Variants in FNDC3B observed in about 807,000 individuals in gnomAD.
The protein encoded by FNDC3B is fibronectin type III domain-containing protein 3B.
FNDC3B carries 12 observed loss-of-function variants against 151.5 expected under a neutral mutation model. The ratio of observed to expected loss-of-function variants is 0.08; its 90% confidence interval spans 0.05 to 0.13. The LOEUF is 0.13. Among genes scored for constraint, FNDC3B ranks in the 10% least tolerant of loss-of-function variants. FNDC3B has a pLI of 1.00. For synonymous variants in FNDC3B, 528 were observed against 549.0 expected (o/e 0.96, Z 0.54); for missense variants, 1,214 against 1,505.3 (o/e 0.81, Z 3.20).
At chr3:172,254,129 A>C (rs1223903412) in intron 6 of FNDC3B, among the ~76,000 whole-genome samples, 1 of 152,242 alleles carries the variant, frequency 6.6e-6, no homozygotes, top group Non-Finnish European at 1.5e-5. Context: ...TCTTTAAAAA[A>C]AGACTAAGTT....
chr3:172,371,244 TATA>T (rs1734865908), intron 23 of FNDC3B, among the ~76,000 whole-genome samples: 1 of 152,166 alleles, frequency 6.6e-6, no homozygotes, highest in Non-Finnish European at 1.5e-5. Context: ...TGATACCTAA[TATA>T]ATGCCATTGC....
At chr3:172,371,494 A>C (rs9828546) in intron 23 of FNDC3B, among the ~76,000 whole-genome samples, 17,892 of 152,190 alleles carry the variant, frequency 0.12, 1,283 homozygotes, top group African/African-American at 0.21. Flanking sequence ...GTCTTGTTTC[A>C]AGAAGATATT....
chr3:172,097,722 G>A (rs575644740), intron 1 of FNDC3B, among the ~76,000 whole-genome samples: 49 of 152,218 alleles, frequency 3.2e-4, no homozygotes, highest in African/African-American at 1.2e-3. Flanking sequence ...ATTGCACTAA[G>A]CATTCTATTG....
intron 22 of FNDC3B, among the ~76,000 whole-genome samples, chr3:172,355,453 C>G (rs903148485): frequency 2.0e-5 from 3 of 152,148 alleles, no homozygotes; most frequent in African/African-American, 7.2e-5. Flanking sequence ...TTAGCATCAC[C>G]TGGGAACTCG....
At chr3:172,191,624 A>G (rs9856000) in intron 3 of FNDC3B, among the ~76,000 whole-genome samples, 9,374 of 152,060 alleles carry the variant, frequency 0.062, 978 homozygotes, top group African/African-American at 0.21. Context: ...AGCCTCCTGA[A>G]TAGCTGGGAC....
In FNDC3B at chr3:172,208,784, G is replaced by A. The variant is rs1158190969; in HGVS notation, c.188-18087G>A. Among the ~76,000 whole-genome samples the A allele has an allele frequency of 5.3e-5, 8 of 152,212 alleles. No homozygotes were observed. The East Asian group carries it at 5.8e-4, about 11-fold the overall frequency. On this transcript the variant is annotated intron_variant, in intron 3 of 25. Transcript: ENST00000415807. ...CCCCTGCCAAGGGTGCGCCAGTCAC[G>A]GAGCGGCGAGGGGTGTCTAAATGAT...
intron 1 of FNDC3B, among the ~76,000 whole-genome samples, chr3:172,087,905 T>G (rs1298698870): frequency 6.6e-6 from 1 of 152,162 alleles, no homozygotes; most frequent in African/African-American, 2.4e-5. Flanking sequence ...CTCTAAATAG[T>G]TAGAAATATG....
intron 22 of FNDC3B, 92 bp downstream of exon 22, chr3:172,353,175 C>A: frequency 1.6e-6 from 2 of 1,231,310 alleles, no homozygotes; most frequent in African/African-American, 1.5e-5. Flanking sequence ...TGGATGTCAT[C>A]TCCCAGCTGT....
chr3:172,172,594 C>G (rs4386530), intron 3 of FNDC3B, among the ~76,000 whole-genome samples: 18,915 of 152,190 alleles, frequency 0.12, 1,469 homozygotes, highest in Admixed American at 0.2. Flanking sequence ...AGATATCTTT[C>G]TATGGGAATC....
intron 1 of FNDC3B, among the ~76,000 whole-genome samples, chr3:172,065,061 C>T (rs934183427): frequency 1.4e-4 from 21 of 152,156 alleles, no homozygotes; most frequent in East Asian, 5.8e-4. Context: ...AGGCCTGGTG[C>T]GGTGGCTCAC....
At chr3:172,105,605 T>TA (rs1660453780) in intron 1 of FNDC3B, among the ~76,000 whole-genome samples, 2 of 148,176 alleles carry the variant, frequency 1.3e-5, no homozygotes, top group African/African-American at 5.1e-5. Context: ...CTTCCCCCAT[T>TA]ATTATTGTTT....
chr3:172,177,503 T>A (rs1723657607), intron 3 of FNDC3B, among the ~76,000 whole-genome samples: 1 of 152,148 alleles, frequency 6.6e-6, no homozygotes, highest in African/African-American at 2.4e-5. Flanking sequence ...TTCTCAAACA[T>A]CTGTCTTGGA....
At chr3:172,193,014 T>C (rs1485765489) in intron 3 of FNDC3B, among the ~76,000 whole-genome samples, 1 of 152,080 alleles carries the variant, frequency 6.6e-6, no homozygotes, top group African/African-American at 2.4e-5. Context: ...AATGTCTGCT[T>C]GTGATTGTTT....
At chr3:172,080,072 T>C (rs1344279649) in intron 1 of FNDC3B, among the ~76,000 whole-genome samples, 5 of 152,142 alleles carry the variant, frequency 3.3e-5, no homozygotes, top group Admixed American at 6.6e-5. Context: ...TTCTTAGACC[T>C]AGTTGCTAAT....
intron 21 of FNDC3B, among the ~76,000 whole-genome samples, chr3:172,348,449 T>C (rs1407834400): frequency 6.6e-6 from 1 of 152,222 alleles, no homozygotes; most frequent in Non-Finnish European, 1.5e-5. Flanking sequence ...CTTTTGACAA[T>C]GAGTCAGTGT....
At chr3:172,057,954 G>A (rs1243879798) in intron 1 of FNDC3B, among the ~76,000 whole-genome samples, 2 of 151,408 alleles carry the variant, frequency 1.3e-5, no homozygotes, top group Non-Finnish European at 2.9e-5. Context: ...TTGATTCTTG[G>A]GCTGGAAGGA....
chr3:172,237,901 G>A (rs538298254), intron 4 of FNDC3B, among the ~76,000 whole-genome samples: 24 of 152,080 alleles, frequency 1.6e-4, no homozygotes, highest in African/African-American at 5.8e-4. Flanking sequence ...TTATTTAAAG[G>A]GCTTTTAGAA....
chr3:172,223,646 T>G (rs368101446), intron 3 of FNDC3B, among the ~76,000 whole-genome samples: 1 of 152,244 alleles, frequency 6.6e-6, no homozygotes, highest in Non-Finnish European at 1.5e-5. Flanking sequence ...CTGTTCACAC[T>G]CTGTACTGTG....
At chr3:172,209,459 C>T (rs911792248) in intron 3 of FNDC3B, among the ~76,000 whole-genome samples, 10 of 152,192 alleles carry the variant, frequency 6.6e-5, no homozygotes, top group Non-Finnish European at 1.0e-4. Flanking sequence ...ACAGGAACAG[C>T]TCTCAGTGGA....
Sources: gnomAD v4.1 joint callset for allele counts (sites outside exome capture counted in the v4.1 genomes callset) on GRCh38, gnomAD v4.1.1 for gene constraint, MANE v1.5 for transcripts, NCBI Gene and HGNC (gene_info 2026-07-23, HGNC 2026-07-21) for gene names.